Variants in CETN3 observed in about 807,000 individuals in gnomAD.
CETN3 encodes the protein centrin-3.
Under a neutral mutation model 20.1 loss-of-function variants are expected in CETN3, and 17 were observed. That is an observed-to-expected ratio of 0.85 (90% CI 0.58 to 1.27). The LOEUF (loss-of-function observed/expected upper bound fraction) is 1.27. Among genes scored for constraint, CETN3 ranks in the 50% most tolerant of loss-of-function variants. The pLI, the probability that CETN3 is intolerant of heterozygous loss-of-function variation, is 0.00. For missense variants in CETN3, 169 were observed against 191.2 expected (o/e 0.88, Z 0.69); for synonymous variants, 52 against 59.7 (o/e 0.87, Z 0.59).
rs1426974863 is a variant in CETN3, at chr5:90,393,757, A to G, written c.*307T>C. 45 of 184,550 alleles carry G rather than the reference A, an allele frequency of 2.4e-4. No homozygotes were observed. The Admixed American group carries it at 2.8e-3, about 11-fold the overall frequency. The allele number at this position is 184,550 out of a possible 1,614,324, so 11.4% of individuals were successfully genotyped here. A position where few individuals can be genotyped will look rare whatever the true frequency, so the allele number is the denominator to read the frequency against. On this transcript the variant is annotated 3_prime_UTR_variant, in exon 5 of 5. Transcript: ENST00000283122. ...ATATTTTATTAACGAAAGTCTGGAA[A>G]ATGTGTGCACTAAAAAGTGACTATA... is the stretch of plus-strand genomic sequence containing the variant.
intron 4 of CETN3, among the ~76,000 whole-genome samples, chr5:90,397,103 G>A (rs536260995): frequency 3.3e-5 from 5 of 152,074 alleles, no homozygotes; most frequent in Admixed American, 1.3e-4. Flanking sequence ...ATCCTTAAGC[G>A]ACTTGGAACC....
intron 3 of CETN3, among the ~76,000 whole-genome samples, chr5:90,404,433 G>A (rs555057406): frequency 5.3e-5 from 8 of 152,200 alleles, no homozygotes; most frequent in African/African-American, 1.2e-4. Context: ...GGAATACTAC[G>A]ATCATAAACT....
intron 3 of CETN3, among the ~76,000 whole-genome samples, chr5:90,402,348 A>T (rs1479277614): frequency 6.6e-6 from 1 of 152,142 alleles, no homozygotes; most frequent in Non-Finnish European, 1.5e-5. Flanking sequence ...CAAAATCTTC[A>T]TGTTTTGCAA....
At chr5:90,398,774 G>A (rs1348315283) in intron 4 of CETN3, among the ~76,000 whole-genome samples, 1 of 152,156 alleles carries the variant, frequency 6.6e-6, no homozygotes, top group Non-Finnish European at 1.5e-5. Context: ...TATATTTTAG[G>A]AAAAGAATGA....
chr5:90,409,388 G>A (rs564175320), intron 1 of CETN3, among the ~76,000 whole-genome samples: 3 of 152,160 alleles, frequency 2.0e-5, no homozygotes, highest in Non-Finnish European at 2.9e-5. Flanking sequence ...TCGCAACTAA[G>A]CCCAACCTTC....
chr5:90,406,017 T>C (rs113775833), intron 2 of CETN3, among the ~76,000 whole-genome samples: 2 of 152,162 alleles, frequency 1.3e-5, no homozygotes, highest in Admixed American at 6.5e-5. Context: ...ATTTTTTATA[T>C]GACAAAGTAA....
At position 90,399,404 on chromosome 5, in the gene CETN3, T is replaced by G; in HGVS notation, c.414A>C (p.Glu138Asp). The change falls in exon 4 of 5, where the codon GAA (glutamate) becomes GAC (aspartate). Residue 138 changes from glutamate (E) to aspartate (D), a missense_variant. Transcript: ENST00000283122. The part of the protein sequence containing the change: ...RELGENMSDE[E>D]LRAMIEEFDK... ...CAAATTCTTCTATCATAGCTCGAAG[T>G]TCTTCATCACTCATGTTTTCACCCA... is the stretch of plus-strand genomic sequence containing the variant. 6.2e-7 allele frequency: 1 copy of G among 1,614,012 alleles called. No individual in the cohort carries two copies. Among genetic ancestry groups the G allele is most frequent in the Non-Finnish European group, 8.5e-7 (1 of 1,179,964 alleles).
intron 4 of CETN3, among the ~76,000 whole-genome samples, chr5:90,398,683 C>T (rs1749201076): frequency 6.6e-6 from 1 of 152,178 alleles, no homozygotes; most frequent in South Asian, 2.1e-4. Flanking sequence ...TGGGATAGAT[C>T]ATAGAAGGCT....
chr5:90,405,575 A>T (rs1392185506), intron 3 of CETN3, 110 bp downstream of exon 3: 1 of 711,624 alleles, frequency 1.4e-6, no homozygotes, highest in Non-Finnish European at 2.4e-6. Context: ...ATTATACACC[A>T]GTGTTCTATA....
intron 4 of CETN3, among the ~76,000 whole-genome samples, chr5:90,397,082 T>C (rs1172605094): frequency 1.3e-5 from 2 of 152,106 alleles, no homozygotes; most frequent in South Asian, 2.1e-4. Context: ...TTGAGCACCA[T>C]AGATTCTGGC....
chr5:90,406,856 C>CAAAAAAAAAAAAAAAAAAAAAA (rs1350211555), intron 2 of CETN3, among the ~76,000 whole-genome samples: 1 of 126,010 alleles, frequency 7.9e-6, no homozygotes, highest in Admixed American at 8.2e-5. Context: ...AAAAAAAAAA[C>CAAAAAAAAAAAAAAAAAAAAAA]AAAAAAAACA....
In CETN3 at chr5:90,393,509, T is replaced by C. The variant is rs1360204823; in HGVS notation, c.*555A>G. 6.6e-6 allele frequency: 1 copy of C among 152,252 alleles called. No individual in the cohort carries two copies. The highest frequency in any genetic ancestry group is 2.4e-5 in the African/African-American group (1 of 41,446). 9.4% of individuals were successfully genotyped at this position (152,252 alleles called of 1,614,324 possible). On this transcript the variant is annotated 3_prime_UTR_variant, in exon 5 of 5. Coordinates refer to ENST00000283122, the MANE Select transcript of CETN3 (RefSeq NM_004365.4). The stretch of plus-strand genomic sequence containing the variant: ...AAAGACAGGACTCTTAAAAAAGGAA[T>C]TAGGCTTATATTGAGTCAGCTTGTA...
chr5:90,399,007 A>G (rs1749209912), intron 4 of CETN3: 1 of 395,358 alleles, frequency 2.5e-6, no homozygotes, highest in African/African-American at 2.0e-5. Flanking sequence ...TAGGACAGCC[A>G]CAATGGACAA....
intron 2 of CETN3, among the ~76,000 whole-genome samples, chr5:90,407,359 GAAACAA>G (rs1034811019): frequency 6.6e-6 from 1 of 151,736 alleles, no homozygotes; most frequent in Admixed American, 6.6e-5. Flanking sequence ...GAGTCACCAA[GAAACAA>G]AAACAAAAAC....
In CETN3 at chr5:90,399,400, G is replaced by T; in HGVS notation, c.418C>A (p.Arg140=). ...LGENMSDEEL[R]AMIEEFDKDG... ...TTGTCAAATTCTTCTATCATAGCTC[G>T]AAGTTCTTCATCACTCATGTTTTCA... is the stretch of plus-strand genomic sequence containing the variant. The change falls in exon 4 of 5, where the codon CGA becomes AGA. Residue 140 remains arginine (R), a synonymous_variant. Coordinates refer to ENST00000283122, the MANE Select transcript of CETN3 (RefSeq NM_004365.4). 9 of 1,613,828 alleles carry T rather than the reference G, an allele frequency of 5.6e-6. No homozygotes were observed. The highest frequency in any genetic ancestry group is 7.6e-6 in the Non-Finnish European group (9 of 1,179,918).
intron 3 of CETN3, 108 bp from the exon 4 acceptor site, chr5:90,399,657 T>G: frequency 6.0e-6 from 5 of 832,546 alleles, no homozygotes; most frequent in Non-Finnish European, 9.2e-6. Context: ...GACTGTCAAC[T>G]TTTAGTCTGA....
chr5:90,397,499 T>G (rs1010717231), intron 4 of CETN3, among the ~76,000 whole-genome samples: 1 of 152,058 alleles, frequency 6.6e-6, no homozygotes, highest in Non-Finnish European at 1.5e-5. Context: ...TTGCTAACAA[T>G]AAGAATTTTA....
intron 3 of CETN3, among the ~76,000 whole-genome samples, chr5:90,404,579 T>C (rs1749384865): frequency 2.0e-5 from 3 of 152,192 alleles, no homozygotes; most frequent in Admixed American, 2.0e-4. Flanking sequence ...ATATATTAGT[T>C]CATAAGTTGA....
chr5:90,394,047 T>A lies in CETN3; in HGVS notation c.*17A>T. The A allele has an allele frequency of 6.7e-7, 1 of 1,503,086 alleles. No homozygotes were observed. Among genetic ancestry groups the A allele is most frequent in the Non-Finnish European group, 9.2e-7 (1 of 1,088,554 alleles). 93.1% of individuals were successfully genotyped at this position (1,503,086 alleles called of 1,614,324 possible). A position where few individuals can be genotyped will look rare whatever the true frequency, so the allele number is the denominator to read the frequency against. On this transcript the variant is annotated 3_prime_UTR_variant, in exon 5 of 5. Transcript: ENST00000283122. ...GATGGTAACTGCAACATTCTTAGTG[T>A]TTATCCTTGTAATTCTTTAAATGTC... is the stretch of plus-strand genomic sequence containing the variant.
Sources: allele counts gnomAD v4.1 joint callset (sites outside exome capture counted in the v4.1 genomes callset), GRCh38; gene constraint gnomAD v4.1.1; transcripts MANE v1.5; gene names NCBI Gene and HGNC (gene_info 2026-07-23, HGNC 2026-07-21).